The following PTBP2 variants were observed in gnomAD, a reference collection of about 807,000 sequenced individuals.
The protein encoded by PTBP2 is polypyrimidine tract-binding protein 2.
Under a neutral mutation model 61.4 loss-of-function variants are expected in PTBP2, and 13 were observed. That is an observed-to-expected ratio of 0.21 (90% confidence interval 0.14 to 0.34). The LOEUF (loss-of-function observed/expected upper bound fraction) is 0.34, where lower values mean the gene tolerates loss of function less well. Ranked by LOEUF, PTBP2 falls within the 10% of genes least tolerant of loss-of-function variation. PTBP2 has a pLI of 1.00. For missense variants in PTBP2, 405 were observed against 642.6 expected, an observed-to-expected ratio of 0.63 and a Z score of 4.00; for synonymous variants, 215 against 218.5, an observed-to-expected ratio of 0.98 and a Z score of 0.14.
At chr1:96,785,530 A>G (rs1392108344) in intron 8 of PTBP2, among the ~76,000 whole-genome samples, 2 of 152,206 alleles carry the variant, frequency 1.3e-5, no homozygotes, top group African/African-American at 4.8e-5. Flanking sequence ...AAAAGCTCTA[A>G]TGAAGAAATA....
intron 2 of PTBP2, among the ~76,000 whole-genome samples, chr1:96,741,588 A>G (rs1012304141): frequency 4.0e-5 from 6 of 150,032 alleles, no homozygotes; most frequent in African/African-American, 1.5e-4. Context: ...TGTCCTACAG[A>G]TAACTCTCTC....
At chr1:96,784,975 G>A in intron 7 of PTBP2, 84 bp from the exon 8 acceptor site, 2 of 1,133,964 alleles carry the variant, frequency 1.8e-6, no homozygotes, top group South Asian at 1.6e-5. Context: ...AGTTTTTGTT[G>A]TTGAGTTTTA....
chr1:96,724,048 G>A (rs1650025086), intron 2 of PTBP2, among the ~76,000 whole-genome samples: 1 of 152,128 alleles, frequency 6.6e-6, no homozygotes, highest in Admixed American at 6.5e-5. Flanking sequence ...CCTTAAAAAG[G>A]AAGTTGTTGA....
chr1:96,748,425 T>TG lies in PTBP2; in HGVS notation c.40-2999dup, dbSNP rs770248510. Among the ~76,000 whole-genome samples, 28 of 145,414 alleles carry TG rather than the reference T, an allele frequency of 1.9e-4. 1 individual carries two copies. In the South Asian group the frequency reaches 6.0e-3, roughly 31 times the overall value. On this transcript the variant is annotated intron_variant, in intron 2 of 13. Transcript: ENST00000674951. ...TGCTAAATGGCCTTTAATCTGTACT[T>TG]GCTTTTGCACATTTTTTTTTAAGTG...
At chr1:96,746,800 C>T (rs929013075) in intron 2 of PTBP2, among the ~76,000 whole-genome samples, 55 of 147,248 alleles carry the variant, frequency 3.7e-4, no homozygotes, top group African/African-American at 1.3e-3. Context: ...CTTGCCTTGT[C>T]ACTTCTTTAT....
chr1:96,727,069 T>C (rs1227552739), intron 2 of PTBP2, among the ~76,000 whole-genome samples: 1 of 152,232 alleles, frequency 6.6e-6, no homozygotes, highest in Non-Finnish European at 1.5e-5. Flanking sequence ...TTTCTGCTTT[T>C]CTTTCCCCAA....
chr1:96,725,197 T>C (rs1650230722), intron 2 of PTBP2, among the ~76,000 whole-genome samples: 1 of 151,748 alleles, frequency 6.6e-6, no homozygotes, highest in African/African-American at 2.4e-5. Context: ...CGACTGTTAG[T>C]GGAAAAGGAG....
chr1:96,725,301 G>GT (rs34309895), intron 2 of PTBP2, among the ~76,000 whole-genome samples: 39,745 of 135,786 alleles, frequency 0.29, 6,512 homozygotes, highest in East Asian at 0.45. Context: ...GGTTACACCA[G>GT]TTTTTTTTTT....
chr1:96,804,507 A>T (rs536497251), intron 8 of PTBP2, among the ~76,000 whole-genome samples: 1 of 152,226 alleles, frequency 6.6e-6, no homozygotes, highest in South Asian at 2.1e-4. Context: ...TATATTTTTC[A>T]TGCTTTGTTT....
rs1170016340 is a variant in PTBP2 at position 96,743,818 on chromosome 1, GTT to G, written c.40-7604_40-7603del. The stretch of plus-strand genomic sequence containing the variant: ...CTTCTTTTTTTTAAATTTCTAAGCT[GTT>G]TTATTAAATGAAAAGAGAACAATGC... On this transcript the variant is annotated intron_variant, in intron 2 of 13. Transcript: ENST00000674951. 6.6e-5 allele frequency among the ~76,000 whole-genome samples: 10 copies of G among 152,126 alleles called. No homozygotes were observed. The East Asian group carries it at 1.9e-3, about 29-fold the overall frequency.
chr1:96,792,417 G>A (rs1369635955), intron 8 of PTBP2, among the ~76,000 whole-genome samples: 1 of 152,110 alleles, frequency 6.6e-6, no homozygotes, highest in Non-Finnish European at 1.5e-5. Flanking sequence ...GAGTGGCCGA[G>A]CCCTAGCACT....
At chr1:96,815,382 A>T (rs1662442269), downstream of PTBP2, 1 of 152,182 alleles carries the variant, frequency 6.6e-6, no homozygotes. Context: ...TCTGCATATC[A>T]GCATATCTGC....
At chr1:96,737,878 T>C (rs1019793131) in intron 2 of PTBP2, among the ~76,000 whole-genome samples, 1 of 152,192 alleles carries the variant, frequency 6.6e-6, no homozygotes, top group Admixed American at 6.5e-5. Flanking sequence ...ACTGTTGTAG[T>C]AACGTTTCTT....
intron 8 of PTBP2, among the ~76,000 whole-genome samples, chr1:96,792,709 T>G (rs910718327): frequency 3.8e-5 from 4 of 105,754 alleles, no homozygotes; most frequent in Non-Finnish European, 7.8e-5. Flanking sequence ...GATTCAAAAT[T>G]GGGTACAAAA....
intron 8 of PTBP2, among the ~76,000 whole-genome samples, chr1:96,791,444 C>G (rs1270931541): frequency 6.6e-6 from 1 of 152,092 alleles, no homozygotes; most frequent in African/African-American, 2.4e-5. Flanking sequence ...AACGCTGCTT[C>G]TAAGTTTTTG....
intron 2 of PTBP2, 127 bp from the exon 3 acceptor site, chr1:96,751,298 T>C (rs777747858): frequency 3.8e-6 from 3 of 790,952 alleles, no homozygotes; most frequent in Non-Finnish European, 6.6e-6. Flanking sequence ...AGTTAATTTT[T>C]TATTATAGGG....
intron 3 of PTBP2, among the ~76,000 whole-genome samples, chr1:96,756,829 A>G (rs1655212676): frequency 6.6e-6 from 1 of 152,190 alleles, no homozygotes; most frequent in Non-Finnish European, 1.5e-5. Context: ...GGGTACTGAA[A>G]ATATTCTGCA....
At chr1:96,741,317 A>C (rs1035500703) in intron 2 of PTBP2, among the ~76,000 whole-genome samples, 2 of 152,058 alleles carry the variant, frequency 1.3e-5, no homozygotes, top group Non-Finnish European at 2.9e-5. Flanking sequence ...GCTGGAGTGC[A>C]GTGGCTCGGT....
chr1:96,771,116 A>G lies in PTBP2; in HGVS notation c.432+265A>G, dbSNP rs2101014974. 2 of 255,812 alleles carry G rather than the reference A, an allele frequency of 7.8e-6. 1 individual carries two copies. The highest frequency in any genetic ancestry group is 1.9e-4 in the East Asian group (2 of 10,554). The allele number at this position is 255,812 out of a possible 1,614,324, so 15.8% of individuals were successfully genotyped here. A position where few individuals can be genotyped will look rare whatever the true frequency, so the allele number is the denominator to read the frequency against. On this transcript the variant is annotated intron_variant, in intron 5 of 13. Coordinates refer to ENST00000674951, the MANE Select transcript of PTBP2 (RefSeq NM_021190.4). ...TTATCAGGTAGGATTTATTATTAGC[A>G]TAAACTGTTTATACAACTCTCCTGC... is the stretch of plus-strand genomic sequence containing the variant.
Sources: gnomAD v4.1 joint callset for allele counts (sites outside exome capture counted in the v4.1 genomes callset) on GRCh38, gnomAD v4.1.1 for gene constraint, MANE v1.5 for transcripts, NCBI Gene and HGNC (gene_info 2026-07-23, HGNC 2026-07-21) for gene names.